SRPRB: variants seen among roughly 807,000 people sequenced by gnomAD.
SRPRB encodes the protein signal recognition particle receptor subunit beta.
In SRPRB, 20 loss-of-function variants were observed where a neutral mutation model predicts 31.9. The ratio of observed to expected loss-of-function variants is 0.63; its 90% CI spans 0.44 to 0.91. SRPRB has a LOEUF of 0.91. SRPRB is among the 40% of genes least tolerant of loss of function. The probability of loss-of-function intolerance (pLI) is 0.00; values close to 1 mark genes in which losing one functional copy is unlikely to be tolerated. For synonymous variants in SRPRB, 146 were observed against 132.8 expected, an observed-to-expected ratio of 1.10 and a Z score of -0.68; for missense variants, 321 against 324.9, an observed-to-expected ratio of 0.99 and a Z score of 0.09.
rs1006850916 is a variant in SRPRB at position 133,815,670 on chromosome 3, T to C, written c.491T>C (p.Ile164Thr). ...GCTGAGTTTCTGTATCAAGTCCTCA[T>C]TGACAGTATGGGTCTGAAGAATACA... is the stretch of plus-strand genomic sequence containing the variant. ...DVAEFLYQVL[I>T]DSMGLKNTPS... Residue 164 changes from isoleucine to threonine, a missense_variant, in exon 5 of 7, where the codon ATT becomes ACT. By Grantham distance (89) the Ile-to-Thr change is moderately conservative. Coordinates refer to ENST00000678299, the MANE Select transcript of SRPRB (RefSeq NM_001379313.1). The C allele has an allele frequency of 7.4e-6, 12 of 1,613,906 alleles. No homozygotes were observed. In the African/African-American group the frequency reaches 1.1e-4, roughly 14 times the overall value.
At chr3:133,789,207 C>T (rs1934766930) in intron 1 of SRPRB, 1 of 152,274 alleles carries the variant, frequency 6.6e-6, no homozygotes, top group African/African-American at 2.4e-5. Context: ...TTTTCTCTTG[C>T]AGTTGCAATA....
At position 133,805,945 on chromosome 3, in the gene SRPRB, A is replaced by G; in HGVS notation, c.97A>G (p.Thr33Ala). The G allele has an allele frequency of 6.2e-7, 1 of 1,613,970 alleles. No homozygotes were observed. ...CACCTTGCGGCAGGAGCTGCAGCAGACGGACCCAACGCTGTTGTCAGTAGT... is the reference window on the plus strand; with the variant it reads ...CACCTTGCGGCAGGAGCTGCAGCAGGCGGACCCAACGCTGTTGTCAGTAGT... ...LDTLRQELQQ[T>A]DPTLLSVVVA... The change falls in exon 1 of 7, where the codon ACG becomes GCG. Residue 33 changes from threonine to alanine, a missense_variant. Physicochemically the swap from Thr to Ala is moderately conservative, Grantham distance 58. Transcript: ENST00000678299.
intron 1 of SRPRB, chr3:133,790,196 A>G (rs1006267832): frequency 1.3e-5 from 2 of 152,134 alleles, no homozygotes; most frequent in Non-Finnish European, 1.5e-5. Context: ...CTCATTTAAG[A>G]TCTGGGCCAT....
intron 4 of SRPRB, among the ~76,000 whole-genome samples, chr3:133,812,417 T>C (rs1935279742): frequency 6.6e-6 from 1 of 152,248 alleles, no homozygotes; most frequent in Non-Finnish European, 1.5e-5. Context: ...TTTTTCTTTT[T>C]CTATTGCCAG....
In SRPRB at chr3:133,819,887, G is replaced by T; in HGVS notation, c.*121G>T. Reference sequence around the variant, plus strand: ...GTGGTTAGAAACATTTCTTTGTTCTGGAAACAAAGTACTGTTGAAACCAGC... The same window carrying T: ...GTGGTTAGAAACATTTCTTTGTTCTTGAAACAAAGTACTGTTGAAACCAGC... On this transcript the variant is annotated 3_prime_UTR_variant, in exon 7 of 7. Transcript: ENST00000678299. 17 of 910,682 alleles carry T rather than the reference G, an allele frequency of 1.9e-5. No homozygotes were observed. Among genetic ancestry groups the T allele is most frequent in the South Asian group, 7.1e-5 (4 of 56,494 alleles). The allele number at this position is 910,682 out of a possible 1,614,324, so 56.4% of individuals were successfully genotyped here.
At chr3:133,796,662 T>G (rs973116549) in intron 1 of SRPRB, 14 of 152,258 alleles carry the variant, frequency 9.2e-5, no homozygotes, top group African/African-American at 2.4e-5. Context: ...GCTTTGTTTG[T>G]GCATTTTGTC....
At chr3:133,805,395 C>G (rs564685583), upstream of SRPRB, among the ~76,000 whole-genome samples, 221 of 152,286 alleles carry the variant, frequency 1.5e-3, no homozygotes, top group African/African-American at 5.2e-3. Flanking sequence ...ACTCCGCGTC[C>G]CATTATGTAT....
chr3:133,804,639 C>T (rs1294500109), upstream of SRPRB, among the ~76,000 whole-genome samples: 1 of 151,976 alleles, frequency 6.6e-6, no homozygotes, highest in Non-Finnish European at 1.5e-5. Context: ...GTGGTTTTTG[C>T]AGTCTTTTGT....
chr3:133,807,651 TACTTA>T, intron 2 of SRPRB, 90 bp from the exon 3 acceptor site: 2 of 815,056 alleles, frequency 2.5e-6, no homozygotes, highest in Admixed American at 4.9e-5. Flanking sequence ...AGCATTCATT[TACTTA>T]ACCTTACACC....
chr3:133,816,474 T>C (rs965298565), intron 5 of SRPRB, among the ~76,000 whole-genome samples: 8 of 152,218 alleles, frequency 5.3e-5, no homozygotes, highest in Admixed American at 2.6e-4. Context: ...TTAGGATCAA[T>C]TGGAAACATG....
Position 133,819,914 on chromosome 3 carries a change from T to A in SRPRB, c.*148T>A. ...AAACAAAGTACTGTTGAAACCAGCTTGGAATTTTTTTTTTTTTTTTTTTTA... is the reference window on the plus strand; with the variant it reads ...AAACAAAGTACTGTTGAAACCAGCTAGGAATTTTTTTTTTTTTTTTTTTTA... On this transcript the variant is annotated 3_prime_UTR_variant, in exon 7 of 7. Transcript: ENST00000678299. 1.4e-6 allele frequency: 1 copy of A among 732,040 alleles called. No homozygotes were observed. Among genetic ancestry groups the A allele is most frequent in the Non-Finnish European group, 2.2e-6 (1 of 464,232 alleles). 45.3% of individuals were successfully genotyped at this position (732,040 alleles called of 1,614,324 possible). A position where few individuals can be genotyped will look rare whatever the true frequency, so the allele number is the denominator to read the frequency against.
chr3:133,828,259 A>G, downstream of SRPRB: 1 of 489,142 alleles, frequency 2.0e-6, no homozygotes, highest in Non-Finnish European at 3.7e-6. Flanking sequence ...ATTTAACTGG[A>G]GTAGGGCCTA....
downstream of SRPRB, chr3:133,826,936 T>C (rs1935574525): frequency 6.5e-6 from 1 of 152,702 alleles, no homozygotes; most frequent in Admixed American, 6.5e-5. Flanking sequence ...TCTATCTCTA[T>C]ATATAATTAT....
downstream of SRPRB, among the ~76,000 whole-genome samples, chr3:133,824,010 A>G (rs1935515203): frequency 1.3e-5 from 2 of 152,078 alleles, no homozygotes; most frequent in African/African-American, 2.4e-5. Flanking sequence ...AGATTAGGGG[A>G]ATGCGTGTGG....
chr3:133,791,654 T>G (rs1174621844), intron 1 of SRPRB: 1 of 152,208 alleles, frequency 6.6e-6, no homozygotes, highest in African/African-American at 2.4e-5. Context: ...ATAAAATGTG[T>G]GCTTAGGACC....
intron 5 of SRPRB, among the ~76,000 whole-genome samples, 165 bp downstream of exon 5, chr3:133,815,891 C>A (rs1286557938): frequency 1.3e-5 from 2 of 152,168 alleles, no homozygotes; most frequent in East Asian, 3.8e-4. Flanking sequence ...TCTACTCCTA[C>A]CTTTTCACCA....
At chr3:133,787,181 A>G (rs1312099802) in intron 1 of SRPRB, 1 of 152,214 alleles carries the variant, frequency 6.6e-6, no homozygotes. Context: ...TGGTCTCTAG[A>G]TGTTTAAGAA....
chr3:133,821,818 C>G (rs926608597), downstream of SRPRB, among the ~76,000 whole-genome samples: 2 of 152,202 alleles, frequency 1.3e-5, no homozygotes, highest in Non-Finnish European at 2.9e-5. Flanking sequence ...TAGAGATGAT[C>G]TGGCCTGGAG....
intron 5 of SRPRB, among the ~76,000 whole-genome samples, chr3:133,816,497 T>G (rs1195476614): frequency 6.6e-6 from 1 of 152,230 alleles, no homozygotes; most frequent in Non-Finnish European, 1.5e-5. Context: ...AAGTTTACTT[T>G]AAAATGACAG....
Sources: gnomAD v4.1 joint callset for allele counts (sites outside exome capture counted in the v4.1 genomes callset) on GRCh38, gnomAD v4.1.1 for gene constraint, MANE v1.5 for transcripts, NCBI Gene and HGNC (gene_info 2026-07-23, HGNC 2026-07-21) for gene names.